Variants in PLBD1 observed in about 807,000 individuals in gnomAD.
The protein encoded by PLBD1 is lysosomal leucine aminopeptidase.
PLBD1 carries 60 observed loss-of-function variants against 63.0 expected under a neutral mutation model. The ratio of observed to expected loss-of-function variants is 0.95; its 90% CI spans 0.77 to 1.18. The LOEUF is 1.18. Among genes scored for constraint, PLBD1 ranks in the 50% most tolerant of loss-of-function variants. The pLI, the probability that PLBD1 is intolerant of heterozygous loss-of-function variation, is 0.00. For synonymous variants in PLBD1, 262 were observed against 248.0 expected (o/e 1.06, Z -0.53); for missense variants, 598 against 677.9 (o/e 0.88, Z 1.31).
In PLBD1 at chr12:14,535,738, G is replaced by C; in HGVS notation, c.765C>G (p.Leu255=). Residue 255 remains leucine, a synonymous_variant, in exon 6 of 11, where the codon CTC becomes CTG. Coordinates refer to ENST00000240617, the MANE Select transcript of PLBD1 (RefSeq NM_024829.6). Reference sequence around the variant, plus strand: ...TGAAGTCCCAGTGTTTATATATCCTGAGCATGGCTGCATACGTGTACCAGC... The same window carrying C: ...TGAAGTCCCAGTGTTTATATATCCTCAGCATGGCTGCATACGTGTACCAGC... ...HSSWYTYAAM[L]RIYKHWDFNV... 1.9e-6 allele frequency: 3 copies of C among 1,613,964 alleles called. No individual in the cohort carries two copies. The highest frequency in any genetic ancestry group is 1.7e-6 in the Non-Finnish European group (2 of 1,179,862).
intron 2 of PLBD1, among the ~76,000 whole-genome samples, chr12:14,546,063 C>T (rs1266689011): frequency 3.3e-5 from 5 of 151,954 alleles, no homozygotes; most frequent in South Asian, 4.2e-4. Flanking sequence ...GGCTCACACC[C>T]GTAATTCCAG....
intron 1 of PLBD1, 25 bp downstream of exon 1, chr12:14,567,557 C>T (rs1410487934): frequency 6.8e-6 from 10 of 1,478,876 alleles, no homozygotes; most frequent in Non-Finnish European, 8.0e-6. Flanking sequence ...CCGGGCGCCC[C>T]CCGCCCAGGG....
chr12:14,504,218 T>C (rs1371642371), intron 10 of PLBD1, among the ~76,000 whole-genome samples: 2 of 152,034 alleles, frequency 1.3e-5, no homozygotes, highest in African/African-American at 2.4e-5. Context: ...CCCAGGTAAT[T>C]TTTATATTTT....
chr12:14,566,200 T>A (rs566716300), intron 1 of PLBD1, among the ~76,000 whole-genome samples: 4 of 152,178 alleles, frequency 2.6e-5, no homozygotes, highest in African/African-American at 9.7e-5. Context: ...CTCCCTAGAC[T>A]AGAAGTAGAC....
chr12:14,553,508 A>G, intron 1 of PLBD1, 96 bp from the exon 2 acceptor site: 1 of 972,168 alleles, frequency 1.0e-6, no homozygotes, highest in East Asian at 2.5e-5. Context: ...GTTTGCTTTT[A>G]AAGATTTCCA....
chr12:14,533,971 C>T (rs1471587475), intron 6 of PLBD1, among the ~76,000 whole-genome samples: 1 of 151,976 alleles, frequency 6.6e-6, no homozygotes, highest in Non-Finnish European at 1.5e-5. Flanking sequence ...TAGCAAGATC[C>T]CATCTCCATA....
At chr12:14,513,851 CACA>C (rs1400390165) in intron 6 of PLBD1, among the ~76,000 whole-genome samples, 1 of 150,358 alleles carries the variant, frequency 6.7e-6, no homozygotes, top group Non-Finnish European at 1.5e-5. Flanking sequence ...GTGATCTTGG[CACA>C]CTGCAAATTC....
At chr12:14,559,655 A>G (rs2136934551) in intron 1 of PLBD1, among the ~76,000 whole-genome samples, 1 of 152,316 alleles carries the variant, frequency 6.6e-6, no homozygotes, top group African/African-American at 2.4e-5. Context: ...AAACATTTTA[A>G]CAGCAATATC....
intron 6 of PLBD1, among the ~76,000 whole-genome samples, chr12:14,531,853 T>G (rs927784381): frequency 2.0e-5 from 3 of 152,090 alleles, no homozygotes; most frequent in Non-Finnish European, 4.4e-5. Flanking sequence ...GGTCTCAAAC[T>G]CCTGAGCTCA....
chr12:14,566,869 G>A (rs977189409), intron 1 of PLBD1, among the ~76,000 whole-genome samples: 1 of 151,768 alleles, frequency 6.6e-6, no homozygotes, highest in African/African-American at 2.4e-5. Flanking sequence ...GCCGAGGCAG[G>A]CGGATCGCCC....
In PLBD1 at chr12:14,532,260, C is replaced by G. The variant is rs78522022; in HGVS notation, c.844+3399G>C. Among the ~76,000 whole-genome samples the G allele has an allele frequency of 3.5e-3, 529 of 152,208 alleles. 31 individuals carry two copies. In the East Asian group the frequency reaches 0.085, roughly 24 times the overall value. ...CAGCAAAAGATTTGCTGCAAAGGCCCGTTTGTGTTGTGGAGCAAGGTTCTC... is the reference window on the plus strand; with the variant it reads ...CAGCAAAAGATTTGCTGCAAAGGCCGGTTTGTGTTGTGGAGCAAGGTTCTC... On this transcript the variant is annotated intron_variant, in intron 6 of 10. Transcript: ENST00000240617.
intron 1 of PLBD1, among the ~76,000 whole-genome samples, chr12:14,556,750 C>T (rs962320051): frequency 7.3e-5 from 11 of 150,354 alleles, no homozygotes; most frequent in African/African-American, 1.7e-4. Context: ...TTTGGGAGGC[C>T]GAGGCAGGAG....
intron 6 of PLBD1, among the ~76,000 whole-genome samples, chr12:14,515,158 A>T (rs546413967): frequency 6.6e-6 from 1 of 152,312 alleles, no homozygotes; most frequent in African/African-American, 2.4e-5. Flanking sequence ...GAACAAACAC[A>T]TTAGAAACAA....
At position 14,553,295 on chromosome 12, in the gene PLBD1, C is replaced by G. The variant is rs752099724; in HGVS notation, c.233G>C (p.Gly78Ala). ...AGCTCTGATCTCCAGGATGCCCCAGCCTGTGGTTTTCACAGAGTTATTGTA... is the reference window on the plus strand; with the variant it reads ...AGCTCTGATCTCCAGGATGCCCCAGGCTGTGGTTTTCACAGAGTTATTGTA... Reference protein sequence around the residue: ...GFYNNSVKTTGWGILEIRAGY... With the variant: ...GFYNNSVKTTAWGILEIRAGY... The change falls in exon 2 of 11, where the codon GGC becomes GCC. Residue 78 changes from glycine (G) to alanine (A), a missense_variant. Transcript: ENST00000240617. 40 of 1,614,180 alleles carry G rather than the reference C, an allele frequency of 2.5e-5. No individual in the cohort carries two copies. The highest frequency in any genetic ancestry group is 5.5e-5 in the South Asian group (5 of 91,082).
intron 2 of PLBD1, among the ~76,000 whole-genome samples, chr12:14,542,492 C>CCCCA (rs2136925292): frequency 6.6e-6 from 1 of 152,158 alleles, no homozygotes; most frequent in East Asian, 1.9e-4. Flanking sequence ...ATTGAAAACA[C>CCCCA]CCCAAGTATT....
intron 1 of PLBD1, among the ~76,000 whole-genome samples, chr12:14,565,307 A>C (rs1308144762): frequency 6.6e-6 from 1 of 152,020 alleles, no homozygotes; most frequent in Non-Finnish European, 1.5e-5. Flanking sequence ...CTCTACAAAA[A>C]ATATAAAAAT....
chr12:14,506,225 G>T lies in PLBD1; in HGVS notation c.1416C>A (p.Thr472=). 1 of 1,612,966 alleles carries T rather than the reference G, an allele frequency of 6.2e-7. No homozygotes were observed. The highest frequency in any genetic ancestry group is 8.5e-7 in the Non-Finnish European group (1 of 1,179,280). The part of the protein sequence containing the change: ...DPYSRGDPCN[T]ICCREDLNSP... ...AGTTCAGGTCCTCACGGCAGCAGATGGTATTACAGGGGTCACCTCTACTGT... is the reference window on the plus strand; with the variant it reads ...AGTTCAGGTCCTCACGGCAGCAGATTGTATTACAGGGGTCACCTCTACTGT... Residue 472 remains threonine (T), a synonymous_variant, in exon 10 of 11, where the codon ACC becomes ACA. Coordinates refer to ENST00000240617, the MANE Select transcript of PLBD1 (RefSeq NM_024829.6).
At chr12:14,566,281 G>A (rs961885487) in intron 1 of PLBD1, among the ~76,000 whole-genome samples, 1 of 152,068 alleles carries the variant, frequency 6.6e-6, no homozygotes, top group Non-Finnish European at 1.5e-5. Context: ...GGGTACATCT[G>A]ATCCCACAGA....
chr12:14,515,048 C>A (rs1945327766), intron 6 of PLBD1, among the ~76,000 whole-genome samples: 1 of 152,010 alleles, frequency 6.6e-6, no homozygotes, highest in Admixed American at 6.6e-5. Flanking sequence ...GTTAATAAAT[C>A]CTATTTCAAG....
Sources: gnomAD v4.1 joint callset for allele counts (sites outside exome capture counted in the v4.1 genomes callset) on GRCh38, gnomAD v4.1.1 for gene constraint, MANE v1.5 for transcripts, NCBI Gene and HGNC (gene_info 2026-07-23, HGNC 2026-07-21) for gene names.